ZNF483: variants seen among roughly 807,000 people sequenced by gnomAD.
ZNF483 encodes zinc finger protein 483.
A neutral mutation model predicts 28.6 loss-of-function variants in ZNF483; 9 were observed. The ratio of observed to expected loss-of-function variants is 0.32; its 90% CI spans 0.19 to 0.55. The LOEUF (loss-of-function observed/expected upper bound fraction) is 0.55. Ranked by LOEUF, ZNF483 falls within the 20% of genes least tolerant of loss-of-function variation. The pLI, the probability that ZNF483 is intolerant of heterozygous loss-of-function variation, is 0.93. For synonymous variants in ZNF483, 322 were observed against 306.2 expected (o/e 1.05, Z -0.54); for missense variants, 675 against 871.7 (o/e 0.77, Z 2.84).
chr9:111,556,158 G>A (rs1376616715), downstream of ZNF483, among the ~76,000 whole-genome samples: 1 of 152,236 alleles, frequency 6.6e-6, no homozygotes, highest in Non-Finnish European at 1.5e-5. Context: ...AAAACCTGGT[G>A]GGGCAGTCAT....
intron 5 of ZNF483, among the ~76,000 whole-genome samples, chr9:111,541,124 C>G (rs1430458784): frequency 7.2e-6 from 1 of 139,616 alleles, no homozygotes; most frequent in Admixed American, 7.6e-5. Flanking sequence ...GAGCCTTGCT[C>G]TGTTGCCTAG....
At chr9:111,556,581 C>A (rs573741552), downstream of ZNF483, among the ~76,000 whole-genome samples, 6 of 152,328 alleles carry the variant, frequency 3.9e-5, no homozygotes, top group African/African-American at 1.4e-4. Flanking sequence ...TTCTTTGCAC[C>A]TGCAGGCCAA....
chr9:111,547,492 T>C lies in ZNF483; in HGVS notation c.*4322T>C, dbSNP rs565966783. ...CCTTTGCCCATTTTTTAATTGGTTT[T>C]GTTGGCGTTGTTGTTTAGTTGTAGA... On this transcript the variant is annotated 3_prime_UTR_variant, in exon 6 of 6. Transcript: ENST00000309235. Among the ~76,000 whole-genome samples the C allele has an allele frequency of 6.6e-6, 1 of 151,600 alleles. No homozygotes were observed. Among genetic ancestry groups the C allele is most frequent in the Non-Finnish European group, 1.5e-5 (1 of 67,978 alleles).
rs1372023493 is a variant in ZNF483, at chr9:111,549,568, G to A, written c.*6398G>A. ...AGTTCTCAGGTCTGTCTCCCTTGTA[G>A]ATTATCAGAGTGGGTCGATAATCTA... On this transcript the variant is annotated 3_prime_UTR_variant, in exon 6 of 6. Coordinates refer to ENST00000309235, the MANE Select transcript of ZNF483 (RefSeq NM_133464.5). Among the ~76,000 whole-genome samples, 1 of 152,152 alleles carries A rather than the reference G, an allele frequency of 6.6e-6. No homozygotes were observed. Among genetic ancestry groups the A allele is most frequent in the African/African-American group, 2.4e-5 (1 of 41,428 alleles).
At chr9:111,567,251 G>A (rs925310973) in intron 5 of ZNF483, among the ~76,000 whole-genome samples, 6 of 152,098 alleles carry the variant, frequency 3.9e-5, no homozygotes, top group Admixed American at 2.0e-4. Context: ...GCAGTGGCAC[G>A]ATCTTGACTC....
At chr9:111,528,001 T>C (rs1026887280) in intron 2 of ZNF483, 194 bp downstream of exon 2, 2 of 1,470,328 alleles carry the variant, frequency 1.4e-6, no homozygotes, top group Non-Finnish European at 1.8e-6. Flanking sequence ...AATATTTTTA[T>C]CTGTTAAAAA....
At position 111,553,658 on chromosome 9, in the gene ZNF483, A is replaced by G. The variant is rs1324673501; in HGVS notation, c.*10488A>G. On this transcript the variant is annotated 3_prime_UTR_variant, in exon 6 of 6. Coordinates refer to ENST00000309235, the MANE Select transcript of ZNF483 (RefSeq NM_133464.5). ...GTTCCTGTACAAGCATTATAATACA[A>G]CAGTGTCCTATGCAATGCAGTGGTT... 6.6e-6 allele frequency among the ~76,000 whole-genome samples: 1 copy of G among 152,262 alleles called. No individual in the cohort carries two copies. The highest frequency in any genetic ancestry group is 1.5e-5 in the Non-Finnish European group (1 of 68,044).
intron 2 of ZNF483, among the ~76,000 whole-genome samples, chr9:111,529,622 A>T (rs1428046368): frequency 1.3e-5 from 2 of 152,276 alleles, no homozygotes; most frequent in Non-Finnish European, 2.9e-5. Flanking sequence ...CTTTTAAATT[A>T]GGATACTTCA....
chr9:111,529,130 T>G (rs1827254714), intron 2 of ZNF483, among the ~76,000 whole-genome samples: 1 of 122,756 alleles, frequency 8.1e-6, no homozygotes. Context: ...ACAGCGAAAC[T>G]CCGTCTCAAA....
intron 3 of ZNF483, among the ~76,000 whole-genome samples, chr9:111,531,176 A>C (rs1827336389): frequency 6.6e-6 from 1 of 151,914 alleles, no homozygotes; most frequent in Non-Finnish European, 1.5e-5. Context: ...CAGCCTGGGC[A>C]ACAGAGCAAG....
At chr9:111,559,277 C>A (rs1036318484), downstream of ZNF483, among the ~76,000 whole-genome samples, 2 of 152,098 alleles carry the variant, frequency 1.3e-5, no homozygotes, top group African/African-American at 4.8e-5. Flanking sequence ...TTACTTTGGG[C>A]CCTTAAACTC....
intron 1 of ZNF483, 29 bp downstream of exon 1, chr9:111,525,291 G>C (rs569540053): frequency 1.3e-5 from 2 of 152,366 alleles, no homozygotes; most frequent in South Asian, 2.1e-4. Flanking sequence ...CCCGAGTTTC[G>C]GGGCCGTGGC....
intron 5 of ZNF483, among the ~76,000 whole-genome samples, chr9:111,568,170 T>C (rs1038732514): frequency 1.3e-5 from 2 of 152,182 alleles, no homozygotes; most frequent in African/African-American, 2.4e-5. Context: ...CAGCCATATT[T>C]TTCTTGTTGC....
chr9:111,550,905 TGA>T lies in ZNF483; in HGVS notation c.*7737_*7738del. Reference sequence around the variant, plus strand: ...CTCCCTGCATTATCCCTGTTTCCTTTGAGTTGTTTTCACCTGTTTTCTGTCTC... The same window carrying T: ...CTCCCTGCATTATCCCTGTTTCCTTTGTTGTTTTCACCTGTTTTCTGTCTC... On this transcript the variant is annotated 3_prime_UTR_variant, in exon 6 of 6. Transcript: ENST00000309235. 6.6e-6 allele frequency among the ~76,000 whole-genome samples: 1 copy of T among 152,364 alleles called. No individual in the cohort carries two copies. The highest frequency in any genetic ancestry group is 1.9e-4 in the East Asian group (1 of 5,192).
chr9:111,570,544 G>A (rs1344728006), intron 5 of ZNF483, among the ~76,000 whole-genome samples: 2 of 151,964 alleles, frequency 1.3e-5, no homozygotes, highest in Non-Finnish European at 2.9e-5. Flanking sequence ...GCCAAGGCGG[G>A]CAGATCACAA....
intron 4 of ZNF483, 42 bp from the exon 5 acceptor site, chr9:111,534,219 C>T: frequency 6.5e-7 from 1 of 1,531,820 alleles, no homozygotes; most frequent in Admixed American, 1.7e-5. Flanking sequence ...TATCTTTACT[C>T]TATGCAAAAC....
rs1052268138 is a variant in ZNF483 at position 111,542,405 on chromosome 9, T to G, written c.1470T>G (p.Ser490Arg). 1 of 1,614,142 alleles carries G rather than the reference T, an allele frequency of 6.2e-7. No individual in the cohort carries two copies. Among genetic ancestry groups the G allele is most frequent in the Non-Finnish European group, 8.5e-7 (1 of 1,180,022 alleles). Residue 490 changes from serine (S) to arginine (R), a missense_variant, in exon 6 of 6, where the codon AGT (serine) becomes AGG (arginine). By Grantham distance (110) the Ser-to-Arg change is moderately radical. Around this residue, in one of 6 missense-constraint regions of ZNF483, gnomAD observed 525 missense variants for 581.8 expected, o/e 0.90. Transcript: ENST00000309235. This position sits in a 1 kb window ranked among gnomAD's most constrained non-coding sequence, Gnocchi z 6.2. ...SSLTPHHRTH[S>R]GEKPFKCDDC... Reference sequence around the variant, plus strand: ...TCACACCACATCATAGAACTCATAGTGGAGAGAAACCCTTCAAATGTGATG... The same window carrying G: ...TCACACCACATCATAGAACTCATAGGGGAGAGAAACCCTTCAAATGTGATG...
At position 111,548,341 on chromosome 9, in the gene ZNF483, T is replaced by G. The variant is rs988527610; in HGVS notation, c.*5171T>G. On this transcript the variant is annotated 3_prime_UTR_variant, in exon 6 of 6. Transcript: ENST00000309235. ...TTTTTTCAGCAATGTGTTACAGTTG[T>G]CATTGTACAAGTCTTTTGCCTCCTT... Among the ~76,000 whole-genome samples, 1 of 152,232 alleles carries G rather than the reference T, an allele frequency of 6.6e-6. No individual in the cohort carries two copies. The highest frequency in any genetic ancestry group is 1.5e-5 in the Non-Finnish European group (1 of 68,036).
chr9:111,539,945 C>T (rs968374194), intron 5 of ZNF483, among the ~76,000 whole-genome samples: 7 of 152,068 alleles, frequency 4.6e-5, no homozygotes, highest in South Asian at 2.1e-4. Context: ...GCCTGATCCG[C>T]GCAGGGAGAC....
Sources: gnomAD v4.1 joint callset for allele counts (sites outside exome capture counted in the v4.1 genomes callset) on GRCh38, gnomAD v4.1.1 for gene constraint, gnomAD v4.1.1 regional missense constraint, Gnocchi (gnomAD v3.1) non-coding constraint, MANE v1.5 for transcripts, NCBI Gene and HGNC (gene_info 2026-07-23, HGNC 2026-07-21) for gene names.